CA10: variants seen among roughly 807,000 people sequenced by gnomAD.
CA10 encodes the protein carbonic anhydrase-related protein 10.
Under a neutral mutation model 44.2 loss-of-function variants are expected in CA10, and 14 were observed. That is an observed-to-expected ratio of 0.32 (90% CI 0.21 to 0.50). The LOEUF (loss-of-function observed/expected upper bound fraction) is 0.50, where lower values mean the gene tolerates loss of function less well. Ranked by LOEUF, CA10 falls within the 20% of genes least tolerant of loss-of-function variation. The probability of loss-of-function intolerance (pLI) is 0.99; values close to 1 mark genes in which losing one functional copy is unlikely to be tolerated. For missense variants in CA10, 350 were observed against 409.7 expected (o/e 0.85, Z 1.26); for synonymous variants, 159 against 141.6 (o/e 1.12, Z -0.87).
intron 4 of CA10, among the ~76,000 whole-genome samples, chr17:51,743,826 G>A (rs1487780128): frequency 6.6e-6 from 1 of 152,174 alleles, no homozygotes; most frequent in African/African-American, 2.4e-5. Context: ...AGAGGCCAAA[G>A]GTGGCTTTGA....
chr17:52,102,341 C>T (rs1039755581), intron 1 of CA10, among the ~76,000 whole-genome samples: 10 of 152,092 alleles, frequency 6.6e-5, no homozygotes, highest in South Asian at 2.1e-4. Context: ...CTTTGCTGAG[C>T]GATTATTTCA....
At chr17:52,138,284 T>A (rs1217224674) in intron 1 of CA10, among the ~76,000 whole-genome samples, 1 of 152,218 alleles carries the variant, frequency 6.6e-6, no homozygotes, top group African/African-American at 2.4e-5. Flanking sequence ...ATGACTTTTG[T>A]GATTACATTT....
intron 3 of CA10, among the ~76,000 whole-genome samples, chr17:51,864,089 T>C (rs777604893): frequency 2.4e-4 from 36 of 152,152 alleles, no homozygotes; most frequent in Admixed American, 5.9e-4. Context: ...CTCACCTTAT[T>C]AGCATAATCT....
At chr17:51,981,094 C>T (rs956474017) in intron 2 of CA10, among the ~76,000 whole-genome samples, 1 of 151,976 alleles carries the variant, frequency 6.6e-6, no homozygotes, top group Non-Finnish European at 1.5e-5. Flanking sequence ...AATGGTACTG[C>T]CATTTTGGAA....
In CA10 at chr17:51,718,893, A is replaced by C. The variant is rs149370965; in HGVS notation, c.465+28740T>G. On this transcript the variant is annotated intron_variant, in intron 4 of 8. Transcript: ENST00000451037. ...TTGTTGAATGAGAGGATAGAAAAAA[A>C]CACTTTGTTTTTTCTTTTCTCCATA... Among the ~76,000 whole-genome samples the C allele has an allele frequency of 4.7e-4, 72 of 152,310 alleles. 1 individual carries two copies. The East Asian group carries it at 9.7e-3, about 20-fold the overall frequency.
At chr17:51,713,095 C>T (rs1915995651) in intron 4 of CA10, among the ~76,000 whole-genome samples, 1 of 152,322 alleles carries the variant, frequency 6.6e-6, no homozygotes, top group South Asian at 2.1e-4. Context: ...AGGTTTTCAC[C>T]AGGACCATGA....
At chr17:51,655,271 C>A (rs1913747711) in intron 4 of CA10, among the ~76,000 whole-genome samples, 1 of 152,108 alleles carries the variant, frequency 6.6e-6, no homozygotes. Flanking sequence ...TTTTTTGTCT[C>A]TTATAAACAA....
intron 2 of CA10, among the ~76,000 whole-genome samples, chr17:52,039,398 C>T (rs150174388): frequency 2.1e-3 from 323 of 152,120 alleles, no homozygotes; most frequent in African/African-American, 7.4e-3. Context: ...ACAGCAGGCC[C>T]TGGCTTTAAT....
intron 6 of CA10, among the ~76,000 whole-genome samples, chr17:51,638,860 G>T (rs1056813226): frequency 2.0e-5 from 3 of 152,098 alleles, no homozygotes; most frequent in Non-Finnish European, 4.4e-5. Context: ...AATCGGGTAG[G>T]GTGTCAAGGC....
chr17:52,036,410 TG>T (rs2086661169), intron 2 of CA10, among the ~76,000 whole-genome samples: 1 of 151,908 alleles, frequency 6.6e-6, no homozygotes, highest in Admixed American at 6.6e-5. Flanking sequence ...GTAGAAGAAA[TG>T]AGATAATAGA....
chr17:52,158,992 C>G (rs1989884443), upstream of CA10, among the ~76,000 whole-genome samples: 1 of 152,102 alleles, frequency 6.6e-6, no homozygotes, highest in Non-Finnish European at 1.5e-5. Context: ...GCCGCCTCGG[C>G]CCCAGTCCCT....
chr17:52,050,720 G>A (rs1987040109), intron 2 of CA10, among the ~76,000 whole-genome samples: 1 of 151,962 alleles, frequency 6.6e-6, no homozygotes. Context: ...TAAACTTGCT[G>A]GTCCACTGAA....
chr17:51,726,426 GAGT>G (rs1410927395), intron 4 of CA10, among the ~76,000 whole-genome samples: 2 of 152,112 alleles, frequency 1.3e-5, no homozygotes, highest in Admixed American at 6.5e-5. Context: ...GTTGCTGAGC[GAGT>G]AGATTTTTAA....
intron 3 of CA10, among the ~76,000 whole-genome samples, chr17:51,919,899 G>T (rs1395385427): frequency 6.6e-6 from 1 of 152,116 alleles, no homozygotes; most frequent in African/African-American, 2.4e-5. Context: ...TGATCTGCCT[G>T]CCTTGGCCTG....
At chr17:51,893,157 A>G (rs2143913573) in intron 3 of CA10, among the ~76,000 whole-genome samples, 1 of 152,318 alleles carries the variant, frequency 6.6e-6, no homozygotes, top group Middle Eastern at 3.4e-3. Flanking sequence ...AAATACATAA[A>G]CAAATATGTG....
At chr17:51,660,597 C>T (rs892937417) in intron 4 of CA10, among the ~76,000 whole-genome samples, 1 of 152,206 alleles carries the variant, frequency 6.6e-6, no homozygotes, top group Non-Finnish European at 1.5e-5. Flanking sequence ...CTCAGGAGGG[C>T]AACAGGCTGT....
intron 3 of CA10, among the ~76,000 whole-genome samples, chr17:51,856,581 C>G (rs1301381587): frequency 6.6e-6 from 1 of 152,138 alleles, no homozygotes; most frequent in Non-Finnish European, 1.5e-5. Flanking sequence ...AACTTCTGCA[C>G]AAACCAGCGT....
At chr17:51,747,903 T>A in intron 3 of CA10, 85 bp from the exon 4 acceptor site, 2 of 1,017,388 alleles carry the variant, frequency 2.0e-6, no homozygotes, top group Non-Finnish European at 2.9e-6. Context: ...GATCAACACC[T>A]TTTGCTTCCT....
intron 3 of CA10, among the ~76,000 whole-genome samples, chr17:51,856,590 G>A (rs571854008): frequency 1.1e-4 from 17 of 152,180 alleles, no homozygotes; most frequent in Non-Finnish European, 1.6e-4. Flanking sequence ...ACAAACCAGC[G>A]TTTACTTATT....
Sources: allele counts gnomAD v4.1 joint callset (sites outside exome capture counted in the v4.1 genomes callset), GRCh38; gene constraint gnomAD v4.1.1; transcripts MANE v1.5; gene names NCBI Gene and HGNC (gene_info 2026-07-23, HGNC 2026-07-21).